The following NKAIN4 variants were observed in gnomAD, a reference collection of about 807,000 sequenced individuals.
NKAIN4 encodes the protein sodium/potassium-transporting ATPase subunit beta-1-interacting protein 4.
A neutral mutation model predicts 28.8 loss-of-function variants in NKAIN4; 28 were observed. That is an observed-to-expected ratio of 0.97 (90% CI 0.72 to 1.33). The LOEUF (loss-of-function observed/expected upper bound fraction) is 1.33. Ranked by LOEUF, NKAIN4 falls within the 40% of genes most tolerant of loss-of-function variation. The pLI is 0.00. For synonymous variants in NKAIN4, 122 were observed against 115.6 expected, an observed-to-expected ratio of 1.06 and a Z score of -0.36; for missense variants, 289 against 277.2, an observed-to-expected ratio of 1.04 and a Z score of -0.30.
intron 6 of NKAIN4, 95 bp from the exon 7 acceptor site, chr20:63,241,601 C>T: frequency 1.7e-6 from 2 of 1,159,198 alleles, no homozygotes; most frequent in Non-Finnish European, 2.5e-6. Context: ...TGAAATGGAA[C>T]AAAGTCCAAG....
intron 4 of NKAIN4, 89 bp downstream of exon 4, chr20:63,247,488 TG>T: frequency 1.9e-6 from 3 of 1,545,990 alleles, no homozygotes; most frequent in Non-Finnish European, 2.6e-6. Context: ...CCAGGTCAGC[TG>T]GCCCCGCCTC....
intron 1 of NKAIN4, among the ~76,000 whole-genome samples, chr20:63,251,826 T>C (rs2066965432): frequency 6.6e-6 from 1 of 152,214 alleles, no homozygotes. Context: ...CTCGTGCCCT[T>C]GGTCTCTTGC....
In NKAIN4 at chr20:63,241,320, G is replaced by C; in HGVS notation, c.*177C>G. ...AACTCTCTTGACGCTGCAGCCAGCC[G>C]TGGCACTGCCCTGCCGCCCTGGCTG... On this transcript the variant is annotated 3_prime_UTR_variant, in exon 7 of 7. Transcript: ENST00000370316. 3 of 599,778 alleles carry C rather than the reference G, an allele frequency of 5.0e-6. No individual in the cohort carries two copies. The highest frequency in any genetic ancestry group is 5.9e-5 in the East Asian group (2 of 33,744). 37.2% of individuals were successfully genotyped at this position (599,778 alleles called of 1,614,324 possible). A position where few individuals can be genotyped will look rare whatever the true frequency, so the allele number is the denominator to read the frequency against.
At chr20:63,251,583 G>C (rs1471356940) in intron 1 of NKAIN4, among the ~76,000 whole-genome samples, 1 of 152,150 alleles carries the variant, frequency 6.6e-6, no homozygotes, top group African/African-American at 2.4e-5. Context: ...GTCTGGGCGT[G>C]ACAGAAGGCT....
intron 4 of NKAIN4, chr20:63,246,544 G>A: frequency 1.0e-6 from 1 of 985,446 alleles, no homozygotes; most frequent in Non-Finnish European, 1.2e-6. Flanking sequence ...GTGTGCTCAG[G>A]CCACGGGCTC....
In NKAIN4 at chr20:63,242,405, G is replaced by GTGGATGGATGGACGGACGGA. The variant is rs1555810976; in HGVS notation, c.617+133_617+134insTCCGTCCGTCCATCCATCCA. The GTGGATGGATGGACGGACGGA allele has an allele frequency of 7.1e-3, 5,200 of 727,960 alleles. 201 individuals are homozygous for GTGGATGGATGGACGGACGGA. The African/African-American group carries it at 0.078, about 11-fold the overall frequency. 45.1% of individuals were successfully genotyped at this position (727,960 alleles called of 1,614,324 possible). A position where few individuals can be genotyped will look rare whatever the true frequency, so the allele number is the denominator to read the frequency against. Reference sequence around the variant, plus strand: ...TGAAGCAGATGTTAGAAAAGTGAGAGTGGATGGATGGACGGATGGATGGCA... The same window carrying GTGGATGGATGGACGGACGGA: ...TGAAGCAGATGTTAGAAAAGTGAGAGTGGATGGATGGACGGACGGATGGATGGATGGACGGATGGATGGCA... On this transcript the variant is annotated intron_variant, in intron 6 of 6. Coordinates refer to ENST00000370316, the MANE Select transcript of NKAIN4 (RefSeq NM_152864.4).
rs530591972 is a variant in NKAIN4, at chr20:63,250,000, G to A, written c.127C>T (p.His43Tyr). Residue 43 changes from histidine (H) to tyrosine (Y), a missense_variant, in exon 2 of 7, where the codon CAC becomes TAC. By Grantham distance (83) the His-to-Tyr change is moderately conservative. Coordinates refer to ENST00000370316, the MANE Select transcript of NKAIN4 (RefSeq NM_152864.4). ...AGTCCCAGGATGACGATGATGATGT[G>A]GACAAAGTTGGCCAGGATGGGCGCC... ...QWAPILANFVHIIIVILGLFG... is the reference protein window; with the variant it reads ...QWAPILANFVYIIIVILGLFG... 1.2e-4 allele frequency: 200 copies of A among 1,612,548 alleles called. 2 individuals carry two copies. In the South Asian group the frequency reaches 2.1e-3, roughly 17 times the overall value.
At chr20:63,251,388 G>A (rs1308742978) in intron 1 of NKAIN4, among the ~76,000 whole-genome samples, 1 of 152,152 alleles carries the variant, frequency 6.6e-6, no homozygotes, top group Non-Finnish European at 1.5e-5. Context: ...TCCTCCACAA[G>A]AGGTGGAGGA....
chr20:63,241,798 G>C, intron 6 of NKAIN4: 1 of 612,458 alleles, frequency 1.6e-6, no homozygotes, highest in Non-Finnish European at 3.1e-6. Flanking sequence ...CTGGGTCCCT[G>C]GCTCAGGGTC....
At position 63,242,495 on chromosome 20, in the gene NKAIN4, T is replaced by C. The variant is rs570708287; in HGVS notation, c.617+44A>G. On this transcript the variant is annotated intron_variant, in intron 6 of 6. Transcript: ENST00000370316. ...GCAGCCTCTCGCTGTGAGGGCCAGATTGGCCAGGCTGGCCGCAGAGCAGGT... is the reference window on the plus strand; with the variant it reads ...GCAGCCTCTCGCTGTGAGGGCCAGACTGGCCAGGCTGGCCGCAGAGCAGGT... The C allele has an allele frequency of 7.0e-6, 10 of 1,425,938 alleles. No homozygotes were observed. In the East Asian group the frequency reaches 2.3e-4, roughly 32 times the overall value. 88.3% of individuals were successfully genotyped at this position (1,425,938 alleles called of 1,614,324 possible). A position where few individuals can be genotyped will look rare whatever the true frequency, so the allele number is the denominator to read the frequency against.
chr20:63,249,178 G>A, intron 2 of NKAIN4: 1 of 450,274 alleles, frequency 2.2e-6, no homozygotes, highest in Non-Finnish European at 4.1e-6. Context: ...AGCATCCCTG[G>A]CTGAGCTGCC....
chr20:63,254,277 C>A, intron 1 of NKAIN4, 120 bp downstream of exon 1: 2 of 801,486 alleles, frequency 2.5e-6, no homozygotes, highest in South Asian at 2.9e-5. Context: ...CATCCCCCCT[C>A]GGAGCTGGCG....
Position 63,254,420 on chromosome 20 carries a change from C to A in NKAIN4, c.31G>T (p.Val11Phe). 1 of 1,443,472 alleles carries A rather than the reference C, an allele frequency of 6.9e-7. No homozygotes were observed. Among genetic ancestry groups the A allele is most frequent in the Non-Finnish European group, 9.1e-7 (1 of 1,098,822 alleles). 89.4% of individuals were successfully genotyped at this position (1,443,472 alleles called of 1,614,324 possible). Residue 11 changes from valine (V) to phenylalanine (F), a missense_variant, in exon 1 of 7, where the codon GTC becomes TTC. Coordinates refer to ENST00000370316, the MANE Select transcript of NKAIN4 (RefSeq NM_152864.4). MGSCSGRCAL[V>F]VLCAFQLVAA... ...ACCAGCTGAAAAGCGCAGAGGACGACGAGCGCGCAGCGGCCGGAGCAGGAG... is the reference window on the plus strand; with the variant it reads ...ACCAGCTGAAAAGCGCAGAGGACGAAGAGCGCGCAGCGGCCGGAGCAGGAG...
At chr20:63,246,042 T>C (rs992695246) in intron 4 of NKAIN4, among the ~76,000 whole-genome samples, 3 of 151,930 alleles carry the variant, frequency 2.0e-5, no homozygotes, top group Non-Finnish European at 2.9e-5. Context: ...ATTCTCCTGC[T>C]TCAGCCTCCC....
At chr20:63,254,578 A>T (rs1466586877), upstream of NKAIN4, 1 of 627,392 alleles carries the variant, frequency 1.6e-6, no homozygotes, top group Admixed American at 4.7e-5. Flanking sequence ...CCTCCCCGCA[A>T]CCCCCGGCCC....
At chr20:63,254,683 T>A, upstream of NKAIN4, 1 of 329,730 alleles carries the variant, frequency 3.0e-6, no homozygotes, top group Non-Finnish European at 5.4e-6. Context: ...GGGGGACCGT[T>A]CTTAAAGGGG....
At chr20:63,242,802 C>G (rs1243173422) in intron 5 of NKAIN4, among the ~76,000 whole-genome samples, 179 bp from the exon 6 acceptor site, 1 of 147,262 alleles carries the variant, frequency 6.8e-6, no homozygotes, top group Non-Finnish European at 1.5e-5. Flanking sequence ...GGGTGGGACA[C>G]CCGGGTCCTC....
At position 63,246,773 on chromosome 20, in the gene NKAIN4, G is replaced by A. The variant is rs916419185; in HGVS notation, c.471+805C>T. 21 of 985,282 alleles carry A rather than the reference G, an allele frequency of 2.1e-5. No individual in the cohort carries two copies. In the Admixed American group the frequency reaches 6.1e-4, roughly 29 times the overall value. The allele number at this position is 985,282 out of a possible 1,614,324, so 61.0% of individuals were successfully genotyped here. ...GAGCTCTTGAGGTGAAACGCTGACC[G>A]AGCACCCTCCACACACCCGCCTCAG... On this transcript the variant is annotated intron_variant, in intron 4 of 6. Transcript: ENST00000370316.
chr20:63,250,493 G>C (rs953949368), intron 1 of NKAIN4, among the ~76,000 whole-genome samples: 4 of 152,200 alleles, frequency 2.6e-5, no homozygotes, highest in Non-Finnish European at 5.9e-5. Context: ...CGCCACTCGG[G>C]GGGGTCGGAT....
Sources: allele counts gnomAD v4.1 joint callset (sites outside exome capture counted in the v4.1 genomes callset), GRCh38; gene constraint gnomAD v4.1.1; transcripts MANE v1.5; gene names NCBI Gene and HGNC (gene_info 2026-07-23, HGNC 2026-07-21).